The following PNISR variants were observed in gnomAD, a reference collection of about 807,000 sequenced individuals.
PNISR encodes arginine/serine-rich protein PNISR.
In PNISR, 20 loss-of-function variants were observed where a neutral mutation model predicts 93.4. The observed-to-expected ratio is 0.21, with a 90% CI of 0.15 to 0.31. The LOEUF (loss-of-function observed/expected upper bound fraction) is 0.31, where lower values mean the gene tolerates loss of function less well. Ranked by LOEUF, PNISR falls within the 10% of genes least tolerant of loss-of-function variation. The pLI, the probability that PNISR is intolerant of heterozygous loss-of-function variation, is 1.00. For synonymous variants in PNISR, 305 were observed against 306.5 expected (o/e 0.99, Z 0.05); for missense variants, 893 against 985.4 (o/e 0.91, Z 1.25).
At chr6:99,404,568 C>T in intron 9 of PNISR, 35 bp downstream of exon 9, 2 of 1,160,066 alleles carry the variant, frequency 1.7e-6, no homozygotes, top group Non-Finnish European at 2.6e-6. Flanking sequence ...CCAAAATACC[C>T]CAGGAAAAGC....
rs745324373 is a variant in PNISR, at chr6:99,398,261, T to C, written c.*2279A>G. 17 of 152,142 alleles carry C rather than the reference T, an allele frequency of 1.1e-4. No individual in the cohort carries two copies. Among genetic ancestry groups the C allele is most frequent in the Non-Finnish European group, 2.2e-4 (15 of 67,984 alleles). The allele number at this position is 152,142 out of a possible 1,614,324, so 9.4% of individuals were successfully genotyped here. A position where few individuals can be genotyped will look rare whatever the true frequency, so the allele number is the denominator to read the frequency against. On this transcript the variant is annotated 3_prime_UTR_variant, in exon 12 of 12. Coordinates refer to ENST00000369239, the MANE Select transcript of PNISR (RefSeq NM_032870.4). ...CCAGACCAAGGATTGTCTCAAAAAT[T>C]TGATCTGTTAATTTTCTGGTGGTAT...
At chr6:99,419,377 T>TA (rs1193465994) in intron 1 of PNISR, among the ~76,000 whole-genome samples, 1 of 151,902 alleles carries the variant, frequency 6.6e-6, no homozygotes, top group Non-Finnish European at 1.5e-5. Context: ...TTAAATAAGT[T>TA]AGAGTGAACC....
chr6:99,410,047 C>T (rs1776707022), intron 5 of PNISR: 1 of 151,940 alleles, frequency 6.6e-6, no homozygotes, highest in African/African-American at 2.4e-5. Context: ...TCAAATCTAC[C>T]CTAGAATTCA....
chr6:99,425,075 G>A (rs1779317215), intron 1 of PNISR, 140 bp downstream of exon 1: 1 of 447,844 alleles, frequency 2.2e-6, no homozygotes, highest in East Asian at 3.6e-5. Flanking sequence ...GGACCGCAGC[G>A]CTTTAAAGGA....
intron 7 of PNISR, among the ~76,000 whole-genome samples, chr6:99,407,750 G>T (rs979742522): frequency 6.6e-6 from 1 of 152,094 alleles, no homozygotes; most frequent in African/African-American, 2.4e-5. Flanking sequence ...TCAAAAGAGG[G>T]AGATTTTATT....
At chr6:99,419,152 CAAAAAAAAAAAA>C (rs1166838873) in intron 1 of PNISR, among the ~76,000 whole-genome samples, 2 of 19,798 alleles carry the variant, frequency 1.0e-4, no homozygotes, top group African/African-American at 3.5e-4. Context: ...GACTCCGTCT[CAAAAAAAAAAAA>C]AAAAAAAAAA....
At chr6:99,421,639 A>G (rs971784546) in intron 1 of PNISR, among the ~76,000 whole-genome samples, 2 of 152,210 alleles carry the variant, frequency 1.3e-5, no homozygotes, top group Non-Finnish European at 2.9e-5. Context: ...CTACAAAGCC[A>G]TTAGAGAGCA....
chr6:99,402,322 T>C (rs906852832), intron 11 of PNISR, among the ~76,000 whole-genome samples: 1 of 152,216 alleles, frequency 6.6e-6, no homozygotes, highest in Non-Finnish European at 1.5e-5. Flanking sequence ...TTCAAGACTT[T>C]TAGCAAGAAA....
rs1354142927 is a variant in PNISR, at chr6:99,401,076, T to C, written c.1882A>G (p.Thr628Ala). Residue 628 changes from threonine to alanine, a missense_variant, in exon 12 of 12, where the codon ACC becomes GCC. Thr to Ala is a moderately conservative substitution (Grantham distance 58). Around this residue, in one of 3 missense-constraint regions of PNISR, gnomAD observed 866 missense variants for 935.1 expected, o/e 0.93. Transcript: ENST00000369239. ...RSRSRSRDRR[T>A]NRASRSRSRD... ...CTCCTACTGCGACTGGCACGATTGG[T>C]TCGTCTATCCCTTGAGCGACTTCTA... 2.5e-6 allele frequency: 4 copies of C among 1,613,660 alleles called. No individual in the cohort carries two copies. Among genetic ancestry groups the C allele is most frequent in the Non-Finnish European group, 2.5e-6 (3 of 1,180,004 alleles).
chr6:99,424,190 C>T (rs1359716741), intron 1 of PNISR, among the ~76,000 whole-genome samples: 2 of 152,146 alleles, frequency 1.3e-5, no homozygotes, highest in African/African-American at 4.8e-5. Context: ...GATATCCTAG[C>T]TGGCATCCTG....
intron 6 of PNISR, among the ~76,000 whole-genome samples, chr6:99,408,703 T>G (rs1486446408): frequency 1.3e-5 from 2 of 152,206 alleles, no homozygotes; most frequent in African/African-American, 4.8e-5. Context: ...TATTTGTCAC[T>G]TGAAATAGGC....
At chr6:99,409,489 T>G in intron 5 of PNISR, 145 bp from the exon 6 acceptor site, 1 of 658,450 alleles carries the variant, frequency 1.5e-6, no homozygotes, top group Non-Finnish European at 2.5e-6. Flanking sequence ...CCGATACTTC[T>G]ATGGTCCCAA....
At chr6:99,414,757 A>T (rs1777441600) in intron 2 of PNISR, 67 bp from the exon 3 acceptor site, 6 of 661,524 alleles carry the variant, frequency 9.1e-6, no homozygotes, top group African/African-American at 1.9e-5. Flanking sequence ...TCACATCAGA[A>T]ATTATTATAT....
At position 99,416,409 on chromosome 6, in the gene PNISR, G is replaced by A; in HGVS notation, c.-92C>T. 1.7e-6 allele frequency: 2 copies of A among 1,211,878 alleles called. No individual in the cohort carries two copies. Among genetic ancestry groups the A allele is most frequent in the Non-Finnish European group, 2.1e-6 (2 of 969,940 alleles). The allele number at this position is 1,211,878 out of a possible 1,614,324, so 75.1% of individuals were successfully genotyped here. A position where few individuals can be genotyped will look rare whatever the true frequency, so the allele number is the denominator to read the frequency against. ...ATTCAGACTACAGCTTCGAAGCATA[G>A]CAGCAAGATTATGTATGCCCTAGGG... On this transcript the variant is annotated 5_prime_UTR_variant, in exon 2 of 12. Coordinates refer to ENST00000369239, the MANE Select transcript of PNISR (RefSeq NM_032870.4).
chr6:99,398,742 TTATC>T lies in PNISR; in HGVS notation c.*1794_*1797del, dbSNP rs1157051328. On this transcript the variant is annotated 3_prime_UTR_variant, in exon 12 of 12. Coordinates refer to ENST00000369239, the MANE Select transcript of PNISR (RefSeq NM_032870.4). ...TTAAGATATGAAAATGTTATACAACTTATCTATTACAAATTAATCAGATAATTCT... is the reference window on the plus strand; with the variant it reads ...TTAAGATATGAAAATGTTATACAACTTATTACAAATTAATCAGATAATTCT... 3.3e-5 allele frequency: 5 copies of T among 152,262 alleles called. No homozygotes were observed. The Middle Eastern group carries it at 0.014, about 414-fold the overall frequency. The allele number at this position is 152,262 out of a possible 1,614,324, so 9.4% of individuals were successfully genotyped here.
intron 11 of PNISR, among the ~76,000 whole-genome samples, 179 bp from the exon 12 acceptor site, chr6:99,401,809 T>A (rs1775536227): frequency 6.6e-6 from 1 of 152,144 alleles, no homozygotes; most frequent in Non-Finnish European, 1.5e-5. Context: ...AAGAAACAGG[T>A]AAAATAACCC....
Position 99,409,298 on chromosome 6 carries a change from T to C in PNISR, c.548A>G (p.Tyr183Cys). ...GPPQGGFHPP[Y>C]WQPGPPGPPA... ...AGGTCCTGGAGGTCCTGGTTGCCAA[T>C]AAGGAGGATGAAATCCACCTTGCGG... The change falls in exon 6 of 12, where the codon TAT (tyrosine) becomes TGT (cysteine). Residue 183 changes from tyrosine (Y) to cysteine (C), a missense_variant. By Grantham distance (194) the Tyr-to-Cys change is radical. Around this residue, in one of 3 missense-constraint regions of PNISR, gnomAD observed 866 missense variants for 935.1 expected, o/e 0.93. Coordinates refer to ENST00000369239, the MANE Select transcript of PNISR (RefSeq NM_032870.4). The C allele has an allele frequency of 6.2e-7, 1 of 1,613,876 alleles. No homozygotes were observed. Among genetic ancestry groups the C allele is most frequent in the South Asian group, 1.1e-5 (1 of 91,076 alleles).
intron 8 of PNISR, 131 bp from the exon 9 acceptor site, chr6:99,404,833 T>C (rs1472370409): frequency 3.5e-6 from 2 of 566,114 alleles, no homozygotes; most frequent in East Asian, 6.1e-5. Context: ...GGCTGGATCA[T>C]ACTGGCGTGA....
rs1478263681 is a variant in PNISR at position 99,406,151 on chromosome 6, T to G, written c.882A>C (p.Glu294Asp). 1 of 1,609,462 alleles carries G rather than the reference T, an allele frequency of 6.2e-7. No individual in the cohort carries two copies. The highest frequency in any genetic ancestry group is 8.5e-7 in the Non-Finnish European group (1 of 1,176,034). ...CAGCCTCAACATTTTCAGTGTCTTCTTCTTCCTCATCACTATCCTATAAAA... is the reference window on the plus strand; with the variant it reads ...CAGCCTCAACATTTTCAGTGTCTTCGTCTTCCTCATCACTATCCTATAAAA... ...QRSKFDSDEEEEDTENVEAAS... is the reference protein window; with the variant it reads ...QRSKFDSDEEDEDTENVEAAS... The change falls in exon 8 of 12, where the codon GAA (glutamate) becomes GAC (aspartate). Residue 294 changes from glutamate (E) to aspartate (D), a missense_variant. By Grantham distance (45) the Glu-to-Asp change is conservative (BLOSUM62 2). This residue lies in a region of PNISR where 866 missense variants were observed against 935.1 expected (regional missense o/e 0.93). Coordinates refer to ENST00000369239, the MANE Select transcript of PNISR (RefSeq NM_032870.4).
Sources: allele counts gnomAD v4.1 joint callset (sites outside exome capture counted in the v4.1 genomes callset), GRCh38; gene constraint gnomAD v4.1.1; regional missense constraint gnomAD v4.1.1; transcripts MANE v1.5; gene names NCBI Gene and HGNC (gene_info 2026-07-23, HGNC 2026-07-21).